SP140: variants seen among roughly 807,000 people sequenced by gnomAD.
SP140 encodes nuclear body protein SP140.
SP140 carries 81 observed loss-of-function variants against 125.0 expected under a neutral mutation model. The observed-to-expected ratio is 0.65, with a 90% CI of 0.54 to 0.78. SP140 has a LOEUF of 0.78. SP140 is among the 30% of genes least tolerant of loss of function. The pLI, the probability that SP140 is intolerant of heterozygous loss-of-function variation, is 0.00. For synonymous variants in SP140, 312 were observed against 354.0 expected, an observed-to-expected ratio of 0.88 and a Z score of 1.33; for missense variants, 858 against 1,037.0, an observed-to-expected ratio of 0.83 and a Z score of 2.37.
chr2:230,294,178 T>C, intron 20 of SP140, 93 bp from the exon 21 acceptor site: 1 of 975,786 alleles, frequency 1.0e-6, no homozygotes, highest in Non-Finnish European at 1.6e-6. Context: ...AGTGGAACAC[T>C]CAGGTAGAAA....
chr2:230,198,531 C>A (rs192027071), upstream of SP140, among the ~76,000 whole-genome samples: 459 of 152,332 alleles, frequency 3.0e-3, no homozygotes, highest in Middle Eastern at 6.8e-3. Context: ...TTAAAGATTA[C>A]ATTTCCCAGC....
intron 22 of SP140, among the ~76,000 whole-genome samples, chr2:230,299,930 CT>C (rs1450944943): frequency 6.6e-6 from 1 of 152,110 alleles, no homozygotes; most frequent in Non-Finnish European, 1.5e-5. Flanking sequence ...CAAGCCACCC[CT>C]CATCCCCCAC....
intron 7 of SP140, 146 bp from the exon 8 acceptor site, chr2:230,247,770 T>C: frequency 1.4e-6 from 1 of 698,748 alleles, no homozygotes; most frequent in Non-Finnish European, 2.4e-6. Flanking sequence ...TTCTGATGAC[T>C]CTTTCTCATC....
At chr2:230,276,874 A>G (rs1323636891) in intron 15 of SP140, among the ~76,000 whole-genome samples, 1 of 152,190 alleles carries the variant, frequency 6.6e-6, no homozygotes, top group African/African-American at 2.4e-5. Context: ...GTGAAGAAGT[A>G]ATTGCAAGTG....
intron 21 of SP140, among the ~76,000 whole-genome samples, chr2:230,294,521 G>A (rs1318806739): frequency 6.6e-6 from 1 of 152,178 alleles, no homozygotes; most frequent in African/African-American, 2.4e-5. Context: ...GTCCTGTTTG[G>A]ATTCAACCAT....
chr2:230,286,411 C>A (rs1318546419), intron 17 of SP140, among the ~76,000 whole-genome samples: 1 of 152,176 alleles, frequency 6.6e-6, no homozygotes, highest in Non-Finnish European at 1.5e-5. Flanking sequence ...CTTGGCCCTA[C>A]CCCCACTCCA....
At chr2:230,259,398 C>G (rs565800229) in intron 12 of SP140, among the ~76,000 whole-genome samples, 1 of 151,964 alleles carries the variant, frequency 6.6e-6, no homozygotes, top group Non-Finnish European at 1.5e-5. Context: ...AGTCTCCAAG[C>G]CGGGCACGGT....
chr2:230,282,777 G>A (rs890170769), intron 15 of SP140, among the ~76,000 whole-genome samples: 17 of 152,230 alleles, frequency 1.1e-4, no homozygotes, highest in South Asian at 2.1e-4. Flanking sequence ...AAGGGCACAC[G>A]TGGTGCTCCC....
chr2:230,270,770 C>A, intron 15 of SP140, 131 bp downstream of exon 15: 1 of 838,136 alleles, frequency 1.2e-6, no homozygotes, highest in Non-Finnish European at 2.0e-6. Context: ...GATGACCTCC[C>A]TAAGATGTCT....
At chr2:230,221,628 A>G (rs1221922989), upstream of SP140, 3 of 1,368,228 alleles carry the variant, frequency 2.2e-6, no homozygotes, top group Non-Finnish European at 3.0e-6. Context: ...ATGCAGTAAC[A>G]TACAGCGCTG....
At chr2:230,249,915 CTT>C (rs1439703801) in intron 9 of SP140, among the ~76,000 whole-genome samples, 1 of 152,206 alleles carries the variant, frequency 6.6e-6, no homozygotes, top group African/African-American at 2.4e-5. Flanking sequence ...TAAGAGTACT[CTT>C]TCCCCAGTCT....
upstream of SP140, among the ~76,000 whole-genome samples, chr2:230,222,726 T>A (rs930334982): frequency 2.0e-5 from 3 of 151,462 alleles, no homozygotes; most frequent in Non-Finnish European, 4.4e-5. Flanking sequence ...AGACCATTTC[T>A]GTTACCCTAG....
intron 1 of SP140, chr2:230,230,582 C>T (rs2047100025): frequency 6.6e-6 from 1 of 152,218 alleles, no homozygotes; most frequent in African/African-American, 2.4e-5. Context: ...AAACTATAAA[C>T]TAAATTCTTC....
In SP140 at chr2:230,282,188, A is replaced by G. The variant is rs527987429; in HGVS notation, c.1499-2158A>G. Among the ~76,000 whole-genome samples the G allele has an allele frequency of 4.0e-4, 61 of 152,308 alleles. 1 individual carries two copies. The South Asian group carries it at 4.6e-3, about 11-fold the overall frequency. ...CAAATCTCCTCTGGGGATCTTAAGC[A>G]AATCTCTTCTGGAGGCATCTCCTCT... On this transcript the variant is annotated intron_variant, in intron 15 of 26. Transcript: ENST00000392045.
Position 230,256,569 on chromosome 2 carries a change from G to A in SP140, c.1240+1037G>A, listed in dbSNP as rs187805807. Among the ~76,000 whole-genome samples, 836 of 151,976 alleles carry A rather than the reference G, an allele frequency of 5.5e-3. 9 individuals carry two copies. Among genetic ancestry groups the A allele is most frequent in the African/African-American group, 0.019 (789 of 41,442 alleles). ...GATAGCATTAGGAGATATACCTAACGTAAATGATGAGTTAATGGGTGCAGC... is the reference window on the plus strand; with the variant it reads ...GATAGCATTAGGAGATATACCTAACATAAATGATGAGTTAATGGGTGCAGC... On this transcript the variant is annotated intron_variant, in intron 12 of 26. Coordinates refer to ENST00000392045, the MANE Select transcript of SP140 (RefSeq NM_007237.5).
intron 5 of SP140, among the ~76,000 whole-genome samples, chr2:230,244,368 A>C (rs2049119334): frequency 6.6e-6 from 1 of 152,202 alleles, no homozygotes; most frequent in Non-Finnish European, 1.5e-5. Flanking sequence ...ACCAGGTCAA[A>C]TTAGTCAAGC....
intron 11 of SP140, among the ~76,000 whole-genome samples, chr2:230,254,706 A>G (rs542219500): frequency 1.3e-5 from 2 of 152,194 alleles, no homozygotes; most frequent in Non-Finnish European, 2.9e-5. Context: ...TATCAATCAG[A>G]TCATCTTCCT....
At chr2:230,296,281 G>A (rs1209276255) in intron 21 of SP140, among the ~76,000 whole-genome samples, 2 of 152,134 alleles carry the variant, frequency 1.3e-5, no homozygotes, top group East Asian at 3.9e-4. Context: ...CAACATGGAT[G>A]AATTACAAAT....
intron 7 of SP140, among the ~76,000 whole-genome samples, chr2:230,247,684 C>A (rs1267612467): frequency 6.6e-6 from 1 of 152,100 alleles, no homozygotes; most frequent in Non-Finnish European, 1.5e-5. Context: ...TTTTTTCCCC[C>A]AGGGCTCCAG....
Sources: gnomAD v4.1 joint callset for allele counts (sites outside exome capture counted in the v4.1 genomes callset) on GRCh38, gnomAD v4.1.1 for gene constraint, MANE v1.5 for transcripts, NCBI Gene and HGNC (gene_info 2026-07-23, HGNC 2026-07-21) for gene names.